LDLRAD4: variants seen among roughly 807,000 people sequenced by gnomAD.
LDLRAD4 encodes low density lipoprotein receptor class A domain containing 4.
A neutral mutation model predicts 17.0 loss-of-function variants in LDLRAD4; 5 were observed. The observed-to-expected ratio is 0.29, with a 90% CI of 0.15 to 0.62. LDLRAD4 has a LOEUF of 0.62. Among genes scored for constraint, LDLRAD4 ranks in the 20% least tolerant of loss-of-function variants. The probability of loss-of-function intolerance (pLI) is 0.84; values close to 1 mark genes in which losing one functional copy is unlikely to be tolerated. For missense variants in LDLRAD4, 340 were observed against 424.7 expected (o/e 0.80, Z 1.75); for synonymous variants, 168 against 171.8 (o/e 0.98, Z 0.17).
intron 3 of LDLRAD4, among the ~76,000 whole-genome samples, chr18:13,571,798 G>A (rs1003761263): frequency 6.6e-6 from 1 of 152,094 alleles, no homozygotes; most frequent in African/African-American, 2.4e-5. Context: ...CACTATGCCT[G>A]GCTAATTTTT....
intron 4 of LDLRAD4, among the ~76,000 whole-genome samples, chr18:13,631,044 G>T (rs2041618132): frequency 6.6e-6 from 1 of 152,208 alleles, no homozygotes; most frequent in African/African-American, 2.4e-5. Context: ...AGCCCAGCAG[G>T]GTTCGGGCGT....
At chr18:13,307,275 C>G (rs1226508566) in intron 1 of LDLRAD4, among the ~76,000 whole-genome samples, 1 of 152,144 alleles carries the variant, frequency 6.6e-6, no homozygotes, top group African/African-American at 2.4e-5. Context: ...CCGCCTGAGA[C>G]AGCATGGCCA....
intron 3 of LDLRAD4, among the ~76,000 whole-genome samples, chr18:13,571,882 C>T (rs181523537): frequency 4.2e-4 from 64 of 152,268 alleles, no homozygotes; most frequent in African/African-American, 1.3e-3. Flanking sequence ...GTGATCCACC[C>T]GCCTCAGCCT....
chr18:13,344,843 A>G (rs941742969), intron 1 of LDLRAD4, among the ~76,000 whole-genome samples: 2 of 152,160 alleles, frequency 1.3e-5, no homozygotes, highest in African/African-American at 4.8e-5. Context: ...CTTTGAAGCA[A>G]TTGTAAATGG....
intron 3 of LDLRAD4, among the ~76,000 whole-genome samples, chr18:13,539,268 C>A (rs1380243282): frequency 6.6e-6 from 1 of 152,176 alleles, no homozygotes; most frequent in Non-Finnish European, 1.5e-5. Context: ...AGCGCAAGGA[C>A]CCACGTCAGG....
chr18:13,555,940 A>G (rs2094479096), intron 3 of LDLRAD4, among the ~76,000 whole-genome samples: 2 of 152,124 alleles, frequency 1.3e-5, no homozygotes, highest in Non-Finnish European at 2.9e-5. Flanking sequence ...TCTTCCTTGC[A>G]GCTTATTATA....
chr18:13,413,112 G>A (rs919581884), intron 2 of LDLRAD4, among the ~76,000 whole-genome samples: 1 of 152,138 alleles, frequency 6.6e-6, no homozygotes, highest in African/African-American at 2.4e-5. Context: ...CCAGTGCCAC[G>A]TCAAGCCCAG....
intron 3 of LDLRAD4, among the ~76,000 whole-genome samples, chr18:13,607,596 C>A (rs2095237026): frequency 6.6e-6 from 1 of 152,108 alleles, no homozygotes; most frequent in Non-Finnish European, 1.5e-5. Flanking sequence ...CTCCCCTTGC[C>A]TCCCCCAGCC....
chr18:13,256,940 A>C (rs1173623001), intron 1 of LDLRAD4, among the ~76,000 whole-genome samples: 2 of 152,274 alleles, frequency 1.3e-5, no homozygotes, highest in Non-Finnish European at 2.9e-5. Flanking sequence ...CAAAGAACTC[A>C]GAACTGTCTG....
chr18:13,475,529 G>A (rs1023327411), intron 3 of LDLRAD4, among the ~76,000 whole-genome samples: 4 of 149,586 alleles, frequency 2.7e-5, no homozygotes, highest in East Asian at 2.0e-4. Flanking sequence ...TGGGATTACC[G>A]GCATGAGCCA....
intron 1 of LDLRAD4, among the ~76,000 whole-genome samples, chr18:13,324,356 A>G (rs2081407088): frequency 6.6e-6 from 1 of 151,516 alleles, no homozygotes; most frequent in South Asian, 2.1e-4. Context: ...GTTAGCCAGT[A>G]TGGTCTCCAT....
At chr18:13,517,980 C>T (rs1354273220) in intron 3 of LDLRAD4, among the ~76,000 whole-genome samples, 7 of 152,168 alleles carry the variant, frequency 4.6e-5, no homozygotes, top group Admixed American at 6.5e-5. Flanking sequence ...GTGATCTGCC[C>T]GCCTCGGCCT....
At chr18:13,258,872 A>C (rs1164120416) in intron 1 of LDLRAD4, among the ~76,000 whole-genome samples, 1 of 152,230 alleles carries the variant, frequency 6.6e-6, no homozygotes, top group African/African-American at 2.4e-5. Flanking sequence ...TACCTCTGTG[A>C]AAAGGTGCCT....
intron 3 of LDLRAD4, among the ~76,000 whole-genome samples, chr18:13,591,875 C>T (rs1278834071): frequency 6.6e-6 from 1 of 152,120 alleles, no homozygotes; most frequent in Non-Finnish European, 1.5e-5. Flanking sequence ...GTTATAACAT[C>T]GTTAGGGCAT....
intron 4 of LDLRAD4, among the ~76,000 whole-genome samples, chr18:13,640,333 A>T (rs1017632571): frequency 3.3e-5 from 5 of 149,846 alleles, no homozygotes; most frequent in Admixed American, 3.3e-4. Context: ...AAGTATTAGG[A>T]TGATGGGACT....
At chr18:13,614,422 T>TGTAGGGTAGCTTTTTTCCC (rs2039893794) in intron 3 of LDLRAD4, 1 of 152,226 alleles carries the variant, frequency 6.6e-6, no homozygotes, top group African/African-American at 2.4e-5. Context: ...TGGGTATTTC[T>TGTAGGGTAGCTTTTTTCCC]GTAGGGTAGC....
intron 1 of LDLRAD4, among the ~76,000 whole-genome samples, chr18:13,284,625 A>G (rs1406598180): frequency 6.6e-6 from 1 of 152,040 alleles, no homozygotes; most frequent in Non-Finnish European, 1.5e-5. Context: ...TAGAAATAGC[A>G]TTGCTTTTTA....
intron 3 of LDLRAD4, among the ~76,000 whole-genome samples, chr18:13,610,294 TTTTTTTTTTTTG>T (rs560463445): frequency 0.014 from 993 of 71,224 alleles, 57 homozygotes; most frequent in African/African-American, 0.04. Flanking sequence ...TTTTTTTTTT[TTTTTTTTTTTTG>T]AGACGGAGTC....
At position 13,415,086 on chromosome 18, in the gene LDLRAD4, G is replaced by A. The variant is rs189683444; in HGVS notation, c.41-23158G>A. Reference sequence around the variant, plus strand: ...TGTGAGAGTACAGCTGGGCTGGGCAGTGTGGTCCATGCCTGTAATCTCAGC... The same window carrying A: ...TGTGAGAGTACAGCTGGGCTGGGCAATGTGGTCCATGCCTGTAATCTCAGC... On this transcript the variant is annotated intron_variant, in intron 2 of 5. Transcript: ENST00000359446. Among the ~76,000 whole-genome samples, 16 of 152,324 alleles carry A rather than the reference G, an allele frequency of 1.1e-4. No homozygotes were observed. The East Asian group carries it at 2.7e-3, about 26-fold the overall frequency.
Sources: gnomAD v4.1 joint callset for allele counts (sites outside exome capture counted in the v4.1 genomes callset) on GRCh38, gnomAD v4.1.1 for gene constraint, MANE v1.5 for transcripts, NCBI Gene and HGNC (gene_info 2026-07-23, HGNC 2026-07-21) for gene names.